PDE4D: variants seen among roughly 807,000 people sequenced by gnomAD.
PDE4D encodes the protein 3',5'-cyclic-AMP phosphodiesterase 4D.
A neutral mutation model predicts 87.4 loss-of-function variants in PDE4D; 24 were observed. The ratio of observed to expected loss-of-function variants is 0.27; its 90% CI spans 0.20 to 0.39. PDE4D has a LOEUF of 0.39. Ranked by LOEUF, PDE4D falls within the 10% of genes least tolerant of loss-of-function variation. PDE4D has a pLI of 1.00. For missense variants in PDE4D, 714 were observed against 1,041.0 expected (o/e 0.69, Z 4.32); for synonymous variants, 384 against 383.2 (o/e 1.00, Z -0.02).
chr5:59,589,530 T>G (rs144901297), intron 1 of PDE4D, among the ~76,000 whole-genome samples: 2 of 152,216 alleles, frequency 1.3e-5, no homozygotes. Flanking sequence ...TAGGTCTCCA[T>G]AGAAAGTAGC....
intron 1 of PDE4D, among the ~76,000 whole-genome samples, chr5:59,835,855 T>C (rs184976515): frequency 2.3e-3 from 348 of 152,106 alleles, no homozygotes; most frequent in Non-Finnish European, 3.7e-3. Context: ...CTAGAAACTA[T>C]TCCATAACTC....
intron 1 of PDE4D, among the ~76,000 whole-genome samples, chr5:59,426,837 G>T (rs1486979815): frequency 1.3e-5 from 2 of 151,840 alleles, no homozygotes; most frequent in Non-Finnish European, 2.9e-5. Context: ...ACAGAACTGG[G>T]GCTTATATGT....
intron 1 of PDE4D, among the ~76,000 whole-genome samples, chr5:59,417,113 G>A (rs1793742438): frequency 6.6e-6 from 1 of 151,850 alleles, no homozygotes; most frequent in South Asian, 2.1e-4. Flanking sequence ...TAACATATTG[G>A]CTGTATATCC....
chr5:60,478,663 T>C (rs977238291), intron 1 of PDE4D, among the ~76,000 whole-genome samples: 3 of 152,218 alleles, frequency 2.0e-5, no homozygotes, highest in African/African-American at 4.8e-5. Flanking sequence ...TTTTCTTTTT[T>C]CTTTGCATAT....
rs115457732 is a variant in PDE4D at position 59,451,509 on chromosome 5, A to G, written c.456-235541T>C. On this transcript the variant is annotated intron_variant, in intron 1 of 14. Coordinates refer to ENST00000340635, the MANE Select transcript of PDE4D (RefSeq NM_001104631.2). ...ACCGACATATACCTGAAGTTCAACCATGGAACTCTTCCTTCTCCAATATTC... is the reference window on the plus strand; with the variant it reads ...ACCGACATATACCTGAAGTTCAACCGTGGAACTCTTCCTTCTCCAATATTC... Among the ~76,000 whole-genome samples, 793 of 152,298 alleles carry G rather than the reference A, an allele frequency of 5.2e-3. 11 individuals are homozygous for G. The highest frequency in any genetic ancestry group is 0.017 in the African/African-American group (710 of 41,574).
At chr5:59,708,082 A>G (rs1753704777) in intron 1 of PDE4D, among the ~76,000 whole-genome samples, 1 of 152,190 alleles carries the variant, frequency 6.6e-6, no homozygotes, top group Non-Finnish European at 1.5e-5. Flanking sequence ...CCAGCAGTGT[A>G]AAAGCGTTCC....
intron 1 of PDE4D, among the ~76,000 whole-genome samples, chr5:59,672,566 T>A (rs1191319896): frequency 3.9e-5 from 6 of 152,176 alleles, no homozygotes; most frequent in African/African-American, 1.4e-4. Context: ...ATTCATCACC[T>A]AAGAAACATG....
chr5:60,121,530 T>C (rs1778681876), intron 2 of PDE4D, among the ~76,000 whole-genome samples: 1 of 152,042 alleles, frequency 6.6e-6, no homozygotes, highest in Non-Finnish European at 1.5e-5. Context: ...ATGAGGAAGA[T>C]ACAAAAGTGG....
intron 1 of PDE4D, among the ~76,000 whole-genome samples, chr5:60,261,386 C>T (rs1749629532): frequency 6.6e-6 from 1 of 152,120 alleles, no homozygotes; most frequent in Non-Finnish European, 1.5e-5. Context: ...TTATATCTTC[C>T]CCCTACATCT....
rs556783827 is a variant in PDE4D at position 59,456,747 on chromosome 5, A to T, written c.456-240779T>A. Among the ~76,000 whole-genome samples the T allele has an allele frequency of 2.6e-5, 4 of 152,282 alleles. No individual in the cohort carries two copies. In the East Asian group the frequency reaches 7.7e-4, roughly 29 times the overall value. On this transcript the variant is annotated intron_variant, in intron 1 of 14. Coordinates refer to ENST00000340635, the MANE Select transcript of PDE4D (RefSeq NM_001104631.2). ...TTCATGATTCATGGGAGGAGGTCAA[A>T]ATATCAACATTACCAGGAGTTTGAG...
intron 1 of PDE4D, among the ~76,000 whole-genome samples, chr5:59,756,762 T>C (rs1299478868): frequency 6.6e-6 from 1 of 152,024 alleles, no homozygotes; most frequent in African/African-American, 2.4e-5. Context: ...CAGGTGGCAC[T>C]TGTACCTTCA....
intron 1 of PDE4D, among the ~76,000 whole-genome samples, chr5:60,219,604 T>A (rs892961544): frequency 2.0e-5 from 3 of 152,168 alleles, no homozygotes; most frequent in African/African-American, 7.2e-5. Flanking sequence ...AAAGAGAATT[T>A]CAGTTTACAA....
At chr5:60,497,035 T>C (rs1749844741) in intron 1 of PDE4D, among the ~76,000 whole-genome samples, 1 of 152,244 alleles carries the variant, frequency 6.6e-6, no homozygotes, top group Admixed American at 6.5e-5. Flanking sequence ...TTATTTCTCA[T>C]TTTCCCCATG....
intron 2 of PDE4D, among the ~76,000 whole-genome samples, chr5:60,111,855 G>C (rs1777723408): frequency 6.6e-6 from 1 of 151,734 alleles, no homozygotes; most frequent in African/African-American, 2.4e-5. Context: ...TTTGATATGG[G>C]AATGACAAAT....
At chr5:60,405,925 C>T (rs1339942535) in intron 1 of PDE4D, among the ~76,000 whole-genome samples, 1 of 152,144 alleles carries the variant, frequency 6.6e-6, no homozygotes, top group South Asian at 2.1e-4. Context: ...ATATCCTGCC[C>T]CTTCTTCCTG....
At chr5:59,925,192 T>C (rs1227617516) in intron 3 of PDE4D, among the ~76,000 whole-genome samples, 2 of 104,712 alleles carry the variant, frequency 1.9e-5, no homozygotes, top group Admixed American at 1.7e-4. Flanking sequence ...AAAGAAACAA[T>C]GAAAGTTAAA....
At chr5:59,244,799 A>G (rs543304524) in intron 1 of PDE4D, among the ~76,000 whole-genome samples, 154 of 148,194 alleles carry the variant, frequency 1.0e-3, no homozygotes, top group Admixed American at 3.2e-3. Context: ...ATATATATAT[A>G]TGTGTGTGTG....
At chr5:60,192,009 A>G (rs1785235613) in intron 1 of PDE4D, among the ~76,000 whole-genome samples, 2 of 152,080 alleles carry the variant, frequency 1.3e-5, no homozygotes, top group Admixed American at 1.3e-4. Context: ...CAAAAAATAT[A>G]TATATATTTA....
At chr5:59,350,801 CATGAAGT>C (rs1409974898) in intron 1 of PDE4D, among the ~76,000 whole-genome samples, 1 of 152,152 alleles carries the variant, frequency 6.6e-6, no homozygotes, top group Non-Finnish European at 1.5e-5. Flanking sequence ...AACTGAGGCA[CATGAAGT>C]AACTTGCCCA....
Sources: allele counts gnomAD v4.1 joint callset (sites outside exome capture counted in the v4.1 genomes callset), GRCh38; gene constraint gnomAD v4.1.1; transcripts MANE v1.5; gene names NCBI Gene and HGNC (gene_info 2026-07-23, HGNC 2026-07-21).